MTHFD2L: variants seen among roughly 807,000 people sequenced by gnomAD.
The protein encoded by MTHFD2L is bifunctional methylenetetrahydrofolate dehydrogenase/cyclohydrolase 2, mitochondrial.
A neutral mutation model predicts 34.9 loss-of-function variants in MTHFD2L; 29 were observed. That is an observed-to-expected ratio of 0.83 (90% CI 0.62 to 1.13). The LOEUF is 1.13. MTHFD2L is among the 50% of genes most tolerant of loss of function. The pLI, the probability that MTHFD2L is intolerant of heterozygous loss-of-function variation, is 0.00. For synonymous variants in MTHFD2L, 167 were observed against 155.7 expected, an observed-to-expected ratio of 1.07 and a Z score of -0.54; for missense variants, 481 against 446.5, an observed-to-expected ratio of 1.08 and a Z score of -0.70.
intron 7 of MTHFD2L, chr4:74,293,527 C>T (rs1417556078): frequency 1.0e-6 from 1 of 984,110 alleles, no homozygotes; most frequent in Non-Finnish European, 1.2e-6. Flanking sequence ...ATTTAGAAAA[C>T]TTGTGGAAAC....
chr4:74,135,739 C>T (rs552924429), intron 1 of MTHFD2L, among the ~76,000 whole-genome samples: 2 of 151,798 alleles, frequency 1.3e-5, no homozygotes, highest in South Asian at 4.2e-4. Context: ...CCAGTGAACA[C>T]AGATGTAAAA....
chr4:74,163,851 G>T (rs577284809), intron 1 of MTHFD2L, among the ~76,000 whole-genome samples: 1 of 152,126 alleles, frequency 6.6e-6, no homozygotes, highest in East Asian at 1.9e-4. Context: ...CATTCTATTA[G>T]GATTTTTCGT....
intron 3 of MTHFD2L, chr4:74,181,591 C>T (rs960149679): frequency 5.9e-5 from 9 of 152,158 alleles, no homozygotes; most frequent in South Asian, 2.1e-4. Flanking sequence ...CTTGCTTACC[C>T]GCTTTGTATT....
At chr4:74,264,223 G>A (rs1184825128) in intron 6 of MTHFD2L, among the ~76,000 whole-genome samples, 2 of 152,006 alleles carry the variant, frequency 1.3e-5, no homozygotes. Flanking sequence ...GTAAAGAAAA[G>A]TAATATAATG....
chr4:74,193,364 A>AG (rs1229547593), intron 3 of MTHFD2L, among the ~76,000 whole-genome samples: 1 of 152,148 alleles, frequency 6.6e-6, no homozygotes, highest in Non-Finnish European at 1.5e-5. Context: ...GTAGCTTTGT[A>AG]GCAAGTCTTG....
At chr4:74,289,301 G>A (rs540911766) in intron 7 of MTHFD2L, among the ~76,000 whole-genome samples, 8 of 152,288 alleles carry the variant, frequency 5.3e-5, no homozygotes, top group Admixed American at 2.6e-4. Context: ...GAAGGGAGTC[G>A]TGGACAGATG....
chr4:74,162,844 A>G (rs1314691057), intron 1 of MTHFD2L, among the ~76,000 whole-genome samples: 1 of 152,162 alleles, frequency 6.6e-6, no homozygotes, highest in Non-Finnish European at 1.5e-5. Context: ...CTTCTCTACA[A>G]GCAGTTTATA....
At chr4:74,271,306 C>G (rs895507135) in intron 6 of MTHFD2L, among the ~76,000 whole-genome samples, 2 of 152,062 alleles carry the variant, frequency 1.3e-5, no homozygotes, top group Non-Finnish European at 2.9e-5. Flanking sequence ...GGTTTTAGGT[C>G]TAATATTTAA....
chr4:74,191,804 G>C (rs1337474436), intron 3 of MTHFD2L, among the ~76,000 whole-genome samples: 1 of 151,960 alleles, frequency 6.6e-6, no homozygotes, highest in Non-Finnish European at 1.5e-5. Flanking sequence ...TGATTCACCT[G>C]CCTCAGCCTC....
chr4:74,245,468 T>A (rs930200066), intron 6 of MTHFD2L, among the ~76,000 whole-genome samples: 5 of 143,586 alleles, frequency 3.5e-5, no homozygotes, highest in African/African-American at 1.1e-4. Flanking sequence ...ATATAATTAT[T>A]GGATTTTCAA....
intron 7 of MTHFD2L, among the ~76,000 whole-genome samples, chr4:74,296,358 A>G (rs552604899): frequency 2.0e-5 from 3 of 152,254 alleles, no homozygotes; most frequent in South Asian, 4.1e-4. Flanking sequence ...CCAAGAGGCT[A>G]CTGTAGTAGA....
In MTHFD2L at chr4:74,206,731, A is replaced by G. The variant is rs573067813; in HGVS notation, c.712+5361A>G. ...AAAACTGAATACCATTGGTTTTAGC[A>G]TAGTGTCTTTATTTTTAGATTTACA... On this transcript the variant is annotated intron_variant, in intron 5 of 7. Coordinates refer to ENST00000325278, the MANE Select transcript of MTHFD2L (RefSeq NM_001144978.3). Among the ~76,000 whole-genome samples the G allele has an allele frequency of 1.1e-4, 16 of 152,126 alleles. No homozygotes were observed. In the South Asian group the frequency reaches 3.3e-3, roughly 32 times the overall value.
chr4:74,167,995 T>C lies in MTHFD2L; in HGVS notation c.144-6511T>C, dbSNP rs1335956789. Among the ~76,000 whole-genome samples, 3 of 152,188 alleles carry C rather than the reference T, an allele frequency of 2.0e-5. No homozygotes were observed. The South Asian group carries it at 6.2e-4, about 32-fold the overall frequency. ...ATTCAGAATCAGACTACTTAGCACC[T>C]CCATGGCTACCCCTTTGCCTAACTC... On this transcript the variant is annotated intron_variant, in intron 1 of 7. Coordinates refer to ENST00000325278, the MANE Select transcript of MTHFD2L (RefSeq NM_001144978.3).
intron 1 of MTHFD2L, among the ~76,000 whole-genome samples, chr4:74,149,492 A>C (rs1379618177): frequency 6.8e-6 from 1 of 147,026 alleles, no homozygotes; most frequent in Non-Finnish European, 1.6e-5. Context: ...GTGCTTGAAG[A>C]CTGCATCCAG....
intron 6 of MTHFD2L, chr4:74,267,286 ATTCTT>A (rs199561619): frequency 5.4e-4 from 500 of 918,522 alleles, no homozygotes; most frequent in African/African-American, 1.7e-3. Flanking sequence ...TTTCTATTCT[ATTCTT>A]TTCTTTTCTT....
At chr4:74,160,266 T>TC in intron 1 of MTHFD2L, 1 of 378,044 alleles carries the variant, frequency 2.6e-6, no homozygotes, top group Non-Finnish European at 4.9e-6. Flanking sequence ...TTGAGTTTGA[T>TC]AAACTCTTAT....
Position 74,139,803 on chromosome 4 carries a change from T to C in MTHFD2L, c.-297+14286T>C, listed in dbSNP as rs191402282. ...TAATTTTCCTTTGGGTCAAAAATAG[T>C]TTCTAATTTCTCTTTTCATGTCTTT... On this transcript the variant is annotated intron_variant, in intron 1 of 7. Transcript: ENST00000433372. Among the ~76,000 whole-genome samples the C allele has an allele frequency of 7.9e-5, 12 of 152,352 alleles. No individual in the cohort carries two copies. The East Asian group carries it at 2.3e-3, about 29-fold the overall frequency.
chr4:74,289,880 C>G (rs1044956841), intron 7 of MTHFD2L, among the ~76,000 whole-genome samples: 9 of 151,940 alleles, frequency 5.9e-5, no homozygotes, highest in Admixed American at 5.9e-4. Context: ...CTTAAAGGTT[C>G]AATGAATTTT....
At chr4:74,136,482 C>A (rs1560407027) in intron 1 of MTHFD2L, among the ~76,000 whole-genome samples, 1 of 151,818 alleles carries the variant, frequency 6.6e-6, no homozygotes, top group Non-Finnish European at 1.5e-5. Context: ...AAGAAAGCAC[C>A]AAAAAATTGG....
Sources: gnomAD v4.1 joint callset for allele counts (sites outside exome capture counted in the v4.1 genomes callset) on GRCh38, gnomAD v4.1.1 for gene constraint, MANE v1.5 for transcripts, NCBI Gene and HGNC (gene_info 2026-07-23, HGNC 2026-07-21) for gene names.